The following COL5A2 variants were observed in gnomAD, a reference collection of about 807,000 sequenced individuals.
The protein encoded by COL5A2 is collagen type V alpha 2 chain.
In COL5A2, 23 loss-of-function variants were observed where a neutral mutation model predicts 208.2. The observed-to-expected ratio is 0.11, with a 90% confidence interval of 0.08 to 0.16. The LOEUF (loss-of-function observed/expected upper bound fraction) is 0.16. COL5A2 is among the 10% of genes least tolerant of loss of function. COL5A2 has a pLI of 1.00. For synonymous variants in COL5A2, 625 were observed against 628.5 expected (o/e 0.99, Z 0.08); for missense variants, 1,590 against 1,956.4 (o/e 0.81, Z 3.53).
chr2:189,148,707 A>T (rs1229139462), intron 1 of COL5A2, among the ~76,000 whole-genome samples: 1 of 152,236 alleles, frequency 6.6e-6, no homozygotes, highest in African/African-American at 2.4e-5. Context: ...GATTTAGGTG[A>T]ATCTTCATTT....
the COL5A2 span, among the ~76,000 whole-genome samples, chr2:189,417,186 G>T: frequency 6.6e-6 from 1 of 152,040 alleles, no homozygotes; most frequent in Non-Finnish European, 1.5e-5. Context: ...TATTCCATCT[G>T]GAATTTATGG....
chr2:189,086,606 A>G (rs558488810), intron 9 of COL5A2, 120 bp downstream of exon 9: 143 of 724,486 alleles, frequency 2.0e-4, no homozygotes, highest in Middle Eastern at 3.5e-4. Context: ...GTTTGAAGTG[A>G]GCATTACAAT....
At chr2:189,319,881 G>T in the COL5A2 span, among the ~76,000 whole-genome samples, 1 of 152,218 alleles carries the variant, frequency 6.6e-6, no homozygotes, top group African/African-American at 2.4e-5. Context: ...GTGGGTCCCT[G>T]ACCCCCAGGT....
chr2:189,366,974 TGTAA>T, the COL5A2 span, among the ~76,000 whole-genome samples: 10 of 152,146 alleles, frequency 6.6e-5, no homozygotes, highest in African/African-American at 2.2e-4. Context: ...TCCCGAAGGC[TGTAA>T]GTGTTGGCAG....
the COL5A2 span, among the ~76,000 whole-genome samples, chr2:189,360,939 G>C: frequency 6.6e-6 from 1 of 151,558 alleles, no homozygotes; most frequent in Non-Finnish European, 1.5e-5. Flanking sequence ...TCCCTGCAAA[G>C]GACATGATCT....
At chr2:189,241,495 A>G in the COL5A2 span, among the ~76,000 whole-genome samples, 2 of 152,188 alleles carry the variant, frequency 1.3e-5, no homozygotes, top group East Asian at 3.9e-4. Flanking sequence ...TTCAACAATT[A>G]TGCCTGGGCA....
chr2:189,204,139 C>T (rs1174431225), intron 1 of COL5A2, among the ~76,000 whole-genome samples: 2 of 152,154 alleles, frequency 1.3e-5, no homozygotes, highest in African/African-American at 2.4e-5. Flanking sequence ...CCTTGTGATC[C>T]GCCCGCCTCG....
chr2:189,272,226 G>C, the COL5A2 span, among the ~76,000 whole-genome samples: 2 of 152,168 alleles, frequency 1.3e-5, no homozygotes, highest in Non-Finnish European at 2.9e-5. Flanking sequence ...GTTTATTGCA[G>C]CACTGTTCAC....
At chr2:189,182,169 T>C (rs1369581208), upstream of COL5A2, among the ~76,000 whole-genome samples, 1 of 152,202 alleles carries the variant, frequency 6.6e-6, no homozygotes, top group Non-Finnish European at 1.5e-5. Context: ...TAGAGGACAA[T>C]GCCATTTCTT....
At chr2:189,291,019 C>T in the COL5A2 span, among the ~76,000 whole-genome samples, 1 of 152,076 alleles carries the variant, frequency 6.6e-6, no homozygotes, top group South Asian at 2.1e-4. Flanking sequence ...GTTTTCTATA[C>T]TGGTCTTCTT....
At chr2:189,341,897 C>A in the COL5A2 span, among the ~76,000 whole-genome samples, 1 of 151,980 alleles carries the variant, frequency 6.6e-6, no homozygotes, top group Non-Finnish European at 1.5e-5. Context: ...AAGAACAAGG[C>A]CAATCTTTCC....
chr2:189,246,226 C>T, the COL5A2 span, among the ~76,000 whole-genome samples: 7 of 151,688 alleles, frequency 4.6e-5, no homozygotes, highest in Non-Finnish European at 2.9e-5. Flanking sequence ...TGACACGTTA[C>T]ACATTAGTAA....
the COL5A2 span, among the ~76,000 whole-genome samples, chr2:189,423,337 A>T: frequency 6.6e-6 from 1 of 151,990 alleles, no homozygotes; most frequent in Non-Finnish European, 1.5e-5. Flanking sequence ...AACTAAAAAA[A>T]TAGGAAAAAA....
At chr2:189,065,181 A>C in intron 23 of COL5A2, 124 bp from the exon 24 acceptor site, 1 of 847,442 alleles carries the variant, frequency 1.2e-6, no homozygotes, top group East Asian at 2.7e-5. Context: ...ACATGGCTAT[A>C]GATATGCATG....
intron 1 of COL5A2, among the ~76,000 whole-genome samples, chr2:189,198,377 T>A (rs1021553042): frequency 6.6e-6 from 1 of 152,222 alleles, no homozygotes; most frequent in Admixed American, 6.5e-5. Flanking sequence ...TCAGTGATAA[T>A]TTGATTATAA....
intron 45 of COL5A2, among the ~76,000 whole-genome samples, chr2:189,047,051 G>A (rs185648909): frequency 6.6e-6 from 1 of 151,960 alleles, no homozygotes; most frequent in East Asian, 1.9e-4. Flanking sequence ...GAACCCAGGA[G>A]GTAGAGGTTG....
chr2:189,039,279 C>T lies in COL5A2; in HGVS notation c.3918G>A (p.Lys1306=), dbSNP rs1219699525. Residue 1306 remains lysine (K), a synonymous_variant, in exon 51 of 54, where the codon AAG becomes AAA. Transcript: ENST00000374866. ...GGGCTGCTGTCTACTCACCACTCTG[C>T]TTTGCGGAATGGCAAAGCTTTAGGT... The part of the protein sequence containing the change: ...CDDLKLCHSA[K]QSGEYWIDPN... 1.2e-5 allele frequency: 19 copies of T among 1,613,922 alleles called. No individual in the cohort carries two copies. Among genetic ancestry groups the T allele is most frequent in the Non-Finnish European group, 1.6e-5 (19 of 1,179,950 alleles).
intron 47 of COL5A2, among the ~76,000 whole-genome samples, chr2:189,044,784 G>A (rs114830458): frequency 1.3e-5 from 2 of 152,026 alleles, no homozygotes; most frequent in Non-Finnish European, 2.9e-5. Context: ...TCAGAACATA[G>A]AAAGAAAAAT....
chr2:189,239,995 G>T, the COL5A2 span, among the ~76,000 whole-genome samples: 1 of 152,038 alleles, frequency 6.6e-6, no homozygotes, highest in Admixed American at 6.6e-5. Flanking sequence ...TAAGCCACTA[G>T]ATTTGTGGTC....
Sources: gnomAD v4.1 joint callset for allele counts (sites outside exome capture counted in the v4.1 genomes callset) on GRCh38, gnomAD v4.1.1 for gene constraint, MANE v1.5 for transcripts, NCBI Gene and HGNC (gene_info 2026-07-23, HGNC 2026-07-21) for gene names.